APBA2: variants seen among roughly 807,000 people sequenced by gnomAD.
The protein encoded by APBA2 is amyloid-beta A4 precursor protein-binding family A member 2.
In APBA2, 30 loss-of-function variants were observed where a neutral mutation model predicts 75.0. That is an observed-to-expected ratio of 0.40 (90% confidence interval 0.30 to 0.54). APBA2 has a LOEUF of 0.54. APBA2 is among the 20% of genes least tolerant of loss of function. APBA2 has a pLI of 0.49. For synonymous variants in APBA2, 444 were observed against 409.6 expected (o/e 1.08, Z -1.01); for missense variants, 801 against 1,016.1 (o/e 0.79, Z 2.88).
At chr15:28,967,807 A>G (rs999109648) in intron 2 of APBA2, among the ~76,000 whole-genome samples, 5 of 152,218 alleles carry the variant, frequency 3.3e-5, no homozygotes, top group African/African-American at 1.2e-4. Flanking sequence ...ATACAAATGT[A>G]TCATCTTAAG....
At chr15:29,041,421 T>G (rs1354508563) in intron 3 of APBA2, among the ~76,000 whole-genome samples, 1 of 149,412 alleles carries the variant, frequency 6.7e-6, no homozygotes, top group East Asian at 2.0e-4. Context: ...AGGTTGAGGC[T>G]GCAGTGAGCC....
In APBA2 at chr15:29,094,382, G is replaced by A. The variant is rs765291601; in HGVS notation, c.1251+69G>A. On this transcript the variant is annotated intron_variant, in intron 8 of 14. Coordinates refer to ENST00000683413, the MANE Select transcript of APBA2 (RefSeq NM_001353788.2). ...GTTTCCGTGGCTTGTCCTGGGCAGT[G>A]GGGGCTGGGGGGTTCCCCTGGGGAT... 2.0e-4 allele frequency: 292 copies of A among 1,459,742 alleles called. 1 individual carries two copies. The highest frequency in any genetic ancestry group is 2.6e-4 in the Non-Finnish European group (275 of 1,040,810). The allele number at this position is 1,459,742 out of a possible 1,614,324, so 90.4% of individuals were successfully genotyped here. A position where few individuals can be genotyped will look rare whatever the true frequency, so the allele number is the denominator to read the frequency against.
At chr15:29,096,234 T>G (rs1351534877) in intron 8 of APBA2, among the ~76,000 whole-genome samples, 1 of 152,196 alleles carries the variant, frequency 6.6e-6, no homozygotes, top group Non-Finnish European at 1.5e-5. Flanking sequence ...CTCTGGTGTC[T>G]GTAGGATCCG....
chr15:29,101,960 A>G (rs1026718945), intron 10 of APBA2, 176 bp downstream of exon 10: 2 of 687,364 alleles, frequency 2.9e-6, no homozygotes, highest in Non-Finnish European at 5.2e-6. Flanking sequence ...TAGTGAATAC[A>G]GTTTTATTCT....
At chr15:29,050,203 T>C (rs1377199006) in intron 3 of APBA2, among the ~76,000 whole-genome samples, 3 of 152,216 alleles carry the variant, frequency 2.0e-5, no homozygotes, top group African/African-American at 7.2e-5. Flanking sequence ...TCTGCGAGAC[T>C]GTAAGCTAGA....
intron 4 of APBA2, chr15:29,071,199 T>C (rs2042607164): frequency 2.6e-6 from 1 of 378,136 alleles, no homozygotes; most frequent in Non-Finnish European, 5.3e-6. Flanking sequence ...ATTGACACTT[T>C]TTAAAATCCA....
chr15:28,958,416 A>G (rs2036286673), intron 2 of APBA2, among the ~76,000 whole-genome samples: 1 of 152,258 alleles, frequency 6.6e-6, no homozygotes, highest in African/African-American at 2.4e-5. Flanking sequence ...GAACCTGAAA[A>G]GTATTTTAAG....
intron 2 of APBA2, among the ~76,000 whole-genome samples, chr15:28,978,405 G>T (rs762622426): frequency 6.6e-5 from 10 of 152,188 alleles, no homozygotes; most frequent in Non-Finnish European, 1.5e-4. Flanking sequence ...GCTTTGAGCC[G>T]CCAGAGCTAA....
At position 29,053,917 on chromosome 15, in the gene APBA2, C is replaced by CTCTCA. The variant is rs2041733616; in HGVS notation, c.33_34insTCTCA (p.Gly12SerfsTer9). ...ACCGGAAGCTTGAGAGCGTGGGGAG[C>CTCTCA]GGCATGTTGGACCATAGGGTGAGAC... On this transcript the variant is annotated frameshift_variant, in exon 4 of 15. Coordinates refer to ENST00000683413, the MANE Select transcript of APBA2 (RefSeq NM_001353788.2). LOFTEE classifies it high-confidence loss of function. The CTCTCA allele has an allele frequency of 6.2e-7, 1 of 1,612,532 alleles. No homozygotes were observed. The highest frequency in any genetic ancestry group is 1.3e-5 in the African/African-American group (1 of 74,778).
At chr15:29,022,799 TG>T (rs1165873070) in intron 3 of APBA2, among the ~76,000 whole-genome samples, 2 of 152,220 alleles carry the variant, frequency 1.3e-5, no homozygotes, top group African/African-American at 4.8e-5. Context: ...TAAGTTGATT[TG>T]GACCAAATTA....
chr15:29,055,382 G>T (rs963946967), intron 4 of APBA2, among the ~76,000 whole-genome samples: 8 of 152,200 alleles, frequency 5.3e-5, no homozygotes, highest in African/African-American at 1.9e-4. Flanking sequence ...TTTGGAAAAG[G>T]ATTTTTTGAA....
At chr15:28,954,360 G>A (rs980130717) in intron 2 of APBA2, among the ~76,000 whole-genome samples, 2 of 152,162 alleles carry the variant, frequency 1.3e-5, no homozygotes, top group African/African-American at 4.8e-5. Context: ...ATCCCATTAA[G>A]AGTAAATGCT....
At chr15:29,076,449 CTT>C (rs58395338) in intron 6 of APBA2, among the ~76,000 whole-genome samples, 1,613 of 137,482 alleles carry the variant, frequency 0.012, 38 homozygotes, top group African/African-American at 0.04. Context: ...CAAATTCAGG[CTT>C]TTTTTTTTTT....
intron 2 of APBA2, among the ~76,000 whole-genome samples, chr15:28,955,895 G>C (rs916873809): frequency 6.6e-6 from 1 of 152,202 alleles, no homozygotes; most frequent in Non-Finnish European, 1.5e-5. Flanking sequence ...TCTGGCCCTC[G>C]GTTGCTTGCT....
chr15:29,050,495 A>G (rs1595834425), intron 3 of APBA2, among the ~76,000 whole-genome samples: 1 of 152,224 alleles, frequency 6.6e-6, no homozygotes. Flanking sequence ...AGTGTTATAC[A>G]TCTGGAATAA....
At chr15:29,042,285 C>T (rs368534316) in intron 3 of APBA2, among the ~76,000 whole-genome samples, 28 of 152,162 alleles carry the variant, frequency 1.8e-4, no homozygotes, top group East Asian at 7.7e-4. Context: ...CTCGCTGTCT[C>T]TTCTTTTCTT....
intron 2 of APBA2, among the ~76,000 whole-genome samples, chr15:28,989,260 C>A (rs2038089632): frequency 6.6e-6 from 1 of 152,094 alleles, no homozygotes; most frequent in Non-Finnish European, 1.5e-5. Flanking sequence ...GGCCACATTG[C>A]CAGGGTTAAA....
intron 2 of APBA2, among the ~76,000 whole-genome samples, chr15:28,924,023 C>T (rs1023321248): frequency 6.6e-6 from 1 of 152,306 alleles, no homozygotes; most frequent in Non-Finnish European, 1.5e-5. Context: ...TAAAAGCCAG[C>T]GGTCAACCTG....
At chr15:29,116,045 T>G (rs1344522988) in intron 14 of APBA2, among the ~76,000 whole-genome samples, 2 of 145,240 alleles carry the variant, frequency 1.4e-5, no homozygotes, top group Non-Finnish European at 3.1e-5. Flanking sequence ...AGAGGAGAAG[T>G]GGGCAGTAGA....
Sources: allele counts gnomAD v4.1 joint callset (sites outside exome capture counted in the v4.1 genomes callset), GRCh38; gene constraint gnomAD v4.1.1; transcripts MANE v1.5; gene names NCBI Gene and HGNC (gene_info 2026-07-23, HGNC 2026-07-21).